Variants in TNR observed in about 807,000 individuals in gnomAD.
TNR encodes tenascin-R.
Under a neutral mutation model 150.4 loss-of-function variants are expected in TNR, and 45 were observed. The observed-to-expected ratio is 0.30, with a 90% confidence interval of 0.24 to 0.38. TNR has a LOEUF of 0.38. Among genes scored for constraint, TNR ranks in the 10% least tolerant of loss-of-function variants. The pLI is 1.00. For missense variants in TNR, 1,544 were observed against 1,759.1 expected, an observed-to-expected ratio of 0.88 and a Z score of 2.19; for synonymous variants, 687 against 678.4, an observed-to-expected ratio of 1.01 and a Z score of -0.20.
intron 2 of TNR, among the ~76,000 whole-genome samples, chr1:175,500,992 G>A (rs886701473): frequency 3.3e-5 from 5 of 152,162 alleles, no homozygotes; most frequent in African/African-American, 1.2e-4. Context: ...CCATCCCCTG[G>A]TATACATACC....
At chr1:175,578,739 C>T (rs374719297) in intron 1 of TNR, among the ~76,000 whole-genome samples, 9 of 152,306 alleles carry the variant, frequency 5.9e-5, no homozygotes, top group African/African-American at 2.2e-4. Flanking sequence ...GGGATTTTGT[C>T]ACCTCTTCTG....
At chr1:175,379,486 G>A in intron 9 of TNR, 66 bp downstream of exon 9, 1 of 1,450,714 alleles carries the variant, frequency 6.9e-7, no homozygotes. Context: ...TGTGTAGGTT[G>A]GGGAGACAGC....
Position 175,458,345 on chromosome 1 carries a change from A to G in TNR, c.-63-51568T>C, listed in dbSNP as rs377106780. 1.0e-3 allele frequency among the ~76,000 whole-genome samples: 158 copies of G among 152,302 alleles called. 2 individuals are homozygous for G. The highest frequency in any genetic ancestry group is 3.8e-3 in the African/African-American group (158 of 41,554). On this transcript the variant is annotated intron_variant, in intron 2 of 22. Transcript: ENST00000367674. ...CAATCCATTCATTCATTTGTTCAAT[A>G]TATATATTTGTTCAAAGGGTATGGG...
At chr1:175,484,460 G>A (rs1657927791) in intron 2 of TNR, among the ~76,000 whole-genome samples, 1 of 151,510 alleles carries the variant, frequency 6.6e-6, no homozygotes, top group South Asian at 2.1e-4. Flanking sequence ...CTTTCCTTTT[G>A]CAGTCCACTC....
At chr1:175,738,333 C>T (rs1212813125) in intron 1 of TNR, among the ~76,000 whole-genome samples, 1 of 152,160 alleles carries the variant, frequency 6.6e-6, no homozygotes, top group East Asian at 1.9e-4. Flanking sequence ...GAATATTATT[C>T]AGCCATAAAA....
intron 2 of TNR, among the ~76,000 whole-genome samples, chr1:175,500,508 C>T (rs576949529): frequency 3.9e-5 from 6 of 152,246 alleles, no homozygotes; most frequent in African/African-American, 1.4e-4. Flanking sequence ...GGAGGCTGTG[C>T]GGGCAGGGAA....
At chr1:175,365,333 G>A in intron 11 of TNR, 54 bp from the exon 12 acceptor site, 2 of 1,529,842 alleles carry the variant, frequency 1.3e-6, no homozygotes, top group Non-Finnish European at 1.8e-6. Flanking sequence ...ATGGGTCACT[G>A]GGCTAGAAGA....
At chr1:175,424,201 G>A (rs1237142356) in intron 2 of TNR, among the ~76,000 whole-genome samples, 2 of 152,090 alleles carry the variant, frequency 1.3e-5, no homozygotes, top group Non-Finnish European at 2.9e-5. Flanking sequence ...TGCTATCTCC[G>A]GGGAAGCACT....
chr1:175,713,490 C>G (rs1240638705), intron 1 of TNR, among the ~76,000 whole-genome samples: 1 of 152,152 alleles, frequency 6.6e-6, no homozygotes, highest in Admixed American at 6.5e-5. Context: ...CAAGTAACAG[C>G]CTCCTGACTC....
Position 175,317,630 on chromosome 1 carries a change from GGAAGA to G in TNR, c.*5722_*5726del, listed in dbSNP as rs1246800956. 1 of 152,288 alleles carries G rather than the reference GGAAGA, an allele frequency of 6.6e-6. No homozygotes were observed. The highest frequency in any genetic ancestry group is 1.9e-4 in the East Asian group (1 of 5,198). The allele number at this position is 152,288 out of a possible 1,614,324, so 9.4% of individuals were successfully genotyped here. ...GTTGGGTGTATGGCTTGCTTCTCAG[GGAAGA>G]TGTTTGCACCACCTGACCTGAATCC... On this transcript the variant is annotated 3_prime_UTR_variant, in exon 23 of 23. Coordinates refer to ENST00000367674, the MANE Select transcript of TNR (RefSeq NM_003285.3).
chr1:175,484,547 T>G (rs903244129), intron 2 of TNR, among the ~76,000 whole-genome samples: 1 of 152,176 alleles, frequency 6.6e-6, no homozygotes, highest in Non-Finnish European at 1.5e-5. Flanking sequence ...TCTCTCTCTC[T>G]CTGAGTCTTC....
At chr1:175,337,809 G>A (rs1047294681) in intron 18 of TNR, 130 bp from the exon 19 acceptor site, 1 of 1,084,622 alleles carries the variant, frequency 9.2e-7, no homozygotes, top group Non-Finnish European at 1.3e-6. Context: ...CCTCAACGGA[G>A]CTCAAGGTGT....
chr1:175,631,991 A>G (rs1664343673), intron 1 of TNR, among the ~76,000 whole-genome samples: 1 of 152,174 alleles, frequency 6.6e-6, no homozygotes, highest in African/African-American at 2.4e-5. Flanking sequence ...ATGTTTGACT[A>G]ACTAGTACAA....
chr1:175,646,742 T>C (rs1279677852), intron 1 of TNR, among the ~76,000 whole-genome samples: 1 of 152,244 alleles, frequency 6.6e-6, no homozygotes, highest in African/African-American at 2.4e-5. Flanking sequence ...TAGTCCCTGC[T>C]CCTTAGTCAT....
intron 18 of TNR, among the ~76,000 whole-genome samples, chr1:175,353,093 G>C (rs1216752670): frequency 6.6e-6 from 1 of 152,192 alleles, no homozygotes; most frequent in Non-Finnish European, 1.5e-5. Context: ...GCCAGGGAGA[G>C]AATTCAAAGT....
chr1:175,600,201 C>A (rs927911798), intron 1 of TNR, among the ~76,000 whole-genome samples: 4 of 152,052 alleles, frequency 2.6e-5, no homozygotes, highest in African/African-American at 9.7e-5. Flanking sequence ...TAGTAATATA[C>A]CTTAAAGAGG....
chr1:175,320,826 C>T lies in TNR; in HGVS notation c.*2531G>A, dbSNP rs1030507058. On this transcript the variant is annotated 3_prime_UTR_variant, in exon 23 of 23. Transcript: ENST00000367674. ...TTCCTTCCTTCTTTCCTTCTTTCCT[C>T]ATTAAACAGGGAGTCTAGTGAATTT... is the stretch of plus-strand genomic sequence containing the variant. The T allele has an allele frequency of 1.5e-4, 22 of 144,058 alleles. No individual in the cohort carries two copies. The highest frequency in any genetic ancestry group is 4.7e-4 in the African/African-American group (18 of 38,600). 8.9% of individuals were successfully genotyped at this position (144,058 alleles called of 1,614,324 possible).
chr1:175,329,655 G>A lies in TNR; in HGVS notation c.3793+419C>T, dbSNP rs1042988715. On this transcript the variant is annotated intron_variant, in intron 21 of 22. Transcript: ENST00000367674. ...GGTTTTCCTGGATGTCATTGCATGG[G>A]AGATTTCTACCCAGACAGTAGATGA... Among the ~76,000 whole-genome samples the A allele has an allele frequency of 4.0e-4, 61 of 152,198 alleles. 2 individuals carry two copies. The highest frequency in any genetic ancestry group is 1.4e-3 in the African/African-American group (60 of 41,434).
chr1:175,443,165 T>C (rs1420119375), intron 2 of TNR, among the ~76,000 whole-genome samples: 1 of 152,202 alleles, frequency 6.6e-6, no homozygotes, highest in African/African-American at 2.4e-5. Context: ...GCCAGAGTAA[T>C]AAAAATGTCT....
Sources: gnomAD v4.1 joint callset for allele counts (sites outside exome capture counted in the v4.1 genomes callset) on GRCh38, gnomAD v4.1.1 for gene constraint, MANE v1.5 for transcripts, NCBI Gene and HGNC (gene_info 2026-07-23, HGNC 2026-07-21) for gene names.